The following PDZRN3 variants were observed in gnomAD, a reference collection of about 807,000 sequenced individuals.
The protein encoded by PDZRN3 is E3 ubiquitin-protein ligase PDZRN3.
Under a neutral mutation model 85.7 loss-of-function variants are expected in PDZRN3, and 38 were observed. The observed-to-expected ratio is 0.44, with a 90% CI of 0.34 to 0.58. The LOEUF is 0.58. Ranked by LOEUF, PDZRN3 falls within the 20% of genes least tolerant of loss-of-function variation. The pLI is 0.01. For synonymous variants in PDZRN3, 759 were observed against 638.0 expected (o/e 1.19, Z -2.86); for missense variants, 1,629 against 1,506.4 (o/e 1.08, Z -1.35).
At chr3:73,443,670 T>G (rs1244773284) in intron 3 of PDZRN3, among the ~76,000 whole-genome samples, 1 of 151,810 alleles carries the variant, frequency 6.6e-6, no homozygotes, top group African/African-American at 2.4e-5. Context: ...TTTATTTTTT[T>G]GTAGAGATGG....
At chr3:73,433,666 C>T (rs1434049564) in intron 3 of PDZRN3, 17 of 1,535,880 alleles carry the variant, frequency 1.1e-5, no homozygotes, top group Non-Finnish European at 1.3e-5. Context: ...GTAATTTGTA[C>T]TGCTCCTCTT....
At chr3:73,395,297 T>A (rs1188784162) in intron 5 of PDZRN3, among the ~76,000 whole-genome samples, 1 of 152,236 alleles carries the variant, frequency 6.6e-6, no homozygotes, top group Non-Finnish European at 1.5e-5. Context: ...ATAGAAGTTA[T>A]CAATATGTTA....
At chr3:73,614,814 C>A (rs1157701483) in intron 1 of PDZRN3, among the ~76,000 whole-genome samples, 1 of 152,106 alleles carries the variant, frequency 6.6e-6, no homozygotes, top group Non-Finnish European at 1.5e-5. Flanking sequence ...ATGCTTTTGT[C>A]CTCTTTGTAG....
At chr3:73,395,320 G>A (rs1192486919) in intron 5 of PDZRN3, among the ~76,000 whole-genome samples, 1 of 152,168 alleles carries the variant, frequency 6.6e-6, no homozygotes, top group African/African-American at 2.4e-5. Flanking sequence ...TGTCTGTGAT[G>A]GAGATAAGAT....
At chr3:73,487,809 T>A (rs755526397) in intron 3 of PDZRN3, among the ~76,000 whole-genome samples, 4 of 152,234 alleles carry the variant, frequency 2.6e-5, no homozygotes, top group Non-Finnish European at 5.9e-5. Flanking sequence ...AATTTCTTGC[T>A]CTTTGCCAGA....
intron 3 of PDZRN3, among the ~76,000 whole-genome samples, chr3:73,445,230 A>C (rs1378314270): frequency 1.3e-5 from 2 of 152,040 alleles, no homozygotes; most frequent in Non-Finnish European, 2.9e-5. Flanking sequence ...TCTTGGCCAG[A>C]CTCTAGGATT....
intron 3 of PDZRN3, among the ~76,000 whole-genome samples, chr3:73,554,175 C>T (rs1391424564): frequency 4.6e-5 from 7 of 152,052 alleles, no homozygotes; most frequent in Admixed American, 1.3e-4. Flanking sequence ...TGAAGGGGAA[C>T]GTGTATTTTT....
chr3:73,565,374 C>T (rs947601951), intron 3 of PDZRN3, among the ~76,000 whole-genome samples: 7 of 151,902 alleles, frequency 4.6e-5, no homozygotes, highest in Admixed American at 2.0e-4. Flanking sequence ...GTGATCCGCC[C>T]GCCTTGGCCT....
At chr3:73,505,044 C>CTAGT (rs1181913866) in intron 3 of PDZRN3, among the ~76,000 whole-genome samples, 1 of 152,136 alleles carries the variant, frequency 6.6e-6, no homozygotes, top group Non-Finnish European at 1.5e-5. Context: ...GATATTCTAT[C>CTAGT]TAGTTTTTTA....
chr3:73,523,062 G>A (rs535915921), intron 3 of PDZRN3, among the ~76,000 whole-genome samples: 47 of 152,094 alleles, frequency 3.1e-4, no homozygotes, highest in African/African-American at 9.4e-4. Flanking sequence ...TCGCTCTGTC[G>A]CCCAGGCTGG....
At position 73,525,674 on chromosome 3, in the gene PDZRN3, T is replaced by C. The variant is rs559185328; in HGVS notation, c.918+76680A>G. On this transcript the variant is annotated intron_variant, in intron 3 of 9. Transcript: ENST00000263666. ...TGAGCAGCTACTTTAGTTGAGCCCCTGGTATCCAGATTTTTCCCATGTCTA... is the reference window on the plus strand; with the variant it reads ...TGAGCAGCTACTTTAGTTGAGCCCCCGGTATCCAGATTTTTCCCATGTCTA... Among the ~76,000 whole-genome samples, 406 of 152,332 alleles carry C rather than the reference T, an allele frequency of 2.7e-3. 3 individuals carry two copies. The highest frequency in any genetic ancestry group is 3.3e-3 in the Non-Finnish European group (222 of 68,020).
At chr3:73,402,941 CT>C (rs140037400) in intron 4 of PDZRN3, among the ~76,000 whole-genome samples, 2,969 of 115,484 alleles carry the variant, frequency 0.026, 36 homozygotes, top group African/African-American at 0.1. Flanking sequence ...ACATGAAAAG[CT>C]TTTTTTTTTT....
At chr3:73,461,448 A>C (rs1409752051) in intron 3 of PDZRN3, among the ~76,000 whole-genome samples, 1 of 152,226 alleles carries the variant, frequency 6.6e-6, no homozygotes, top group Non-Finnish European at 1.5e-5. Context: ...CAAACACCGG[A>C]GAGATCTGTG....
intron 3 of PDZRN3, among the ~76,000 whole-genome samples, chr3:73,573,121 G>A (rs1702067690): frequency 6.6e-6 from 1 of 152,164 alleles, no homozygotes; most frequent in South Asian, 2.1e-4. Flanking sequence ...CCTGTCCCAA[G>A]GGCCTCTCTG....
chr3:73,453,404 C>CAAAAAA (rs1184407369), intron 3 of PDZRN3, among the ~76,000 whole-genome samples: 13 of 97,526 alleles, frequency 1.3e-4, no homozygotes, highest in African/African-American at 4.3e-4. Context: ...GACTTCGTCT[C>CAAAAAA]AAAAAAAAAA....
chr3:73,556,793 C>G (rs901739868), intron 3 of PDZRN3: 5 of 152,286 alleles, frequency 3.3e-5, no homozygotes, highest in Non-Finnish European at 7.3e-5. Flanking sequence ...ACGTTCCAGC[C>G]TGAGGGTCTT....
intron 3 of PDZRN3, among the ~76,000 whole-genome samples, chr3:73,467,704 T>C (rs1463922114): frequency 6.6e-6 from 1 of 152,254 alleles, no homozygotes; most frequent in Non-Finnish European, 1.5e-5. Context: ...AGCTAGCATC[T>C]AATAATGGGC....
chr3:73,474,277 G>A (rs1016717828), intron 3 of PDZRN3, among the ~76,000 whole-genome samples: 1 of 152,220 alleles, frequency 6.6e-6, no homozygotes, highest in Non-Finnish European at 1.5e-5. Flanking sequence ...AGACAGATGG[G>A]AAAATTCCCA....
intron 3 of PDZRN3, among the ~76,000 whole-genome samples, chr3:73,490,013 C>G (rs963077951): frequency 7.2e-5 from 11 of 152,188 alleles, no homozygotes; most frequent in Non-Finnish European, 1.3e-4. Context: ...TACTTATAAT[C>G]ACATCTCTTT....
Sources: gnomAD v4.1 joint callset for allele counts (sites outside exome capture counted in the v4.1 genomes callset) on GRCh38, gnomAD v4.1.1 for gene constraint, MANE v1.5 for transcripts, NCBI Gene and HGNC (gene_info 2026-07-23, HGNC 2026-07-21) for gene names.